INTS9: variants seen among roughly 807,000 people sequenced by gnomAD.
INTS9 encodes the protein integrator complex subunit 9, also known as protein related to CPSF subunits of 74 kDa.
INTS9 carries 55 observed loss-of-function variants against 79.7 expected under a neutral mutation model. That is an observed-to-expected ratio of 0.69 (90% CI 0.56 to 0.86). INTS9 has a LOEUF of 0.86. INTS9 is among the 40% of genes least tolerant of loss of function. The pLI is 0.00. For missense variants in INTS9, 721 were observed against 831.5 expected, an observed-to-expected ratio of 0.87 and a Z score of 1.64; for synonymous variants, 319 against 325.2, an observed-to-expected ratio of 0.98 and a Z score of 0.20.
At chr8:28,782,800 C>T (rs942636351) in intron 11 of INTS9, among the ~76,000 whole-genome samples, 5 of 152,134 alleles carry the variant, frequency 3.3e-5, no homozygotes, top group Non-Finnish European at 7.3e-5. Context: ...CCCAGGAGTT[C>T]AAGGTTGCAG....
At position 28,859,845 on chromosome 8, in the gene INTS9, C is replaced by T. The variant is rs114218565; in HGVS notation, c.10-282G>A. 3.8e-3 allele frequency among the ~76,000 whole-genome samples: 584 copies of T among 152,284 alleles called. 3 individuals are homozygous for T. The highest frequency in any genetic ancestry group is 0.013 in the African/African-American group (553 of 41,552). ...TTATTCAAAATAGAAGGTTTCAAGG[C>T]TATGGTTATTCATTCCGTTCTCACA... On this transcript the variant is annotated intron_variant, in intron 1 of 16. Transcript: ENST00000521022.
At chr8:28,879,726 T>A (rs535885791) in intron 1 of INTS9, among the ~76,000 whole-genome samples, 2 of 152,208 alleles carry the variant, frequency 1.3e-5, no homozygotes, top group East Asian at 3.9e-4. Flanking sequence ...AAAATATTAT[T>A]CAGCAAGAAA....
At chr8:28,819,724 CG>C (rs1209139158) in intron 6 of INTS9, among the ~76,000 whole-genome samples, 1 of 152,064 alleles carries the variant, frequency 6.6e-6, no homozygotes, top group Non-Finnish European at 1.5e-5. Context: ...CTTTCTGTCT[CG>C]TTGATCTGTC....
chr8:28,802,048 G>A (rs750712861), intron 8 of INTS9, among the ~76,000 whole-genome samples: 14 of 152,142 alleles, frequency 9.2e-5, no homozygotes, highest in South Asian at 6.2e-4. Flanking sequence ...GCCAATCACC[G>A]CCTTCCAATC....
At chr8:28,805,053 G>GC (rs1804731317) in intron 8 of INTS9, among the ~76,000 whole-genome samples, 1 of 152,088 alleles carries the variant, frequency 6.6e-6, no homozygotes, top group African/African-American at 2.4e-5. Flanking sequence ...TCAACCAGGA[G>GC]TAAGTAATTT....
At chr8:28,790,357 G>T (rs957176497) in intron 10 of INTS9, among the ~76,000 whole-genome samples, 1 of 152,206 alleles carries the variant, frequency 6.6e-6, no homozygotes, top group African/African-American at 2.4e-5. Flanking sequence ...GAAAAAGGGT[G>T]CCTTACAGCA....
chr8:28,796,906 A>G (rs1804251873), intron 8 of INTS9: 1 of 380,450 alleles, frequency 2.6e-6, no homozygotes, highest in Non-Finnish European at 4.9e-6. Context: ...CACTGATTAT[A>G]TCAAAATTCA....
intron 6 of INTS9, among the ~76,000 whole-genome samples, chr8:28,825,413 A>C (rs1806089770): frequency 6.6e-6 from 1 of 152,224 alleles, no homozygotes; most frequent in South Asian, 2.1e-4. Context: ...TTAAAGGCTG[A>C]CTAGAAAGTC....
At chr8:28,834,496 A>G (rs945907124) in intron 6 of INTS9, among the ~76,000 whole-genome samples, 3 of 152,138 alleles carry the variant, frequency 2.0e-5, no homozygotes, top group Admixed American at 6.6e-5. Flanking sequence ...TGTTCCCTGA[A>G]TATACTATGT....
chr8:28,815,372 T>G (rs1320312417), intron 6 of INTS9, among the ~76,000 whole-genome samples: 6 of 152,002 alleles, frequency 3.9e-5, no homozygotes. Flanking sequence ...ATAAATGAGG[T>G]GACAAAACTC....
At chr8:28,833,602 A>G (rs1806626397) in intron 6 of INTS9, among the ~76,000 whole-genome samples, 5 of 151,688 alleles carry the variant, frequency 3.3e-5, no homozygotes, top group Admixed American at 3.3e-4. Context: ...CCTGGGCGAC[A>G]GAGTTAGACT....
intron 6 of INTS9, among the ~76,000 whole-genome samples, chr8:28,820,220 G>A (rs1416453922): frequency 8.5e-5 from 13 of 152,250 alleles, no homozygotes; most frequent in East Asian, 1.9e-4. Flanking sequence ...TATTTTGCTC[G>A]TTAGTTGATG....
At chr8:28,789,312 C>T (rs1202167792) in intron 10 of INTS9, among the ~76,000 whole-genome samples, 1 of 152,146 alleles carries the variant, frequency 6.6e-6, no homozygotes, top group Non-Finnish European at 1.5e-5. Context: ...AATGCTTAGG[C>T]CAGTTCTGCT....
intron 11 of INTS9, 56 bp downstream of exon 11, chr8:28,787,773 G>T: frequency 7.9e-7 from 1 of 1,258,782 alleles, no homozygotes; most frequent in Non-Finnish European, 1.2e-6. Context: ...GTCTGCATCT[G>T]CATCAGGTTA....
intron 6 of INTS9, among the ~76,000 whole-genome samples, chr8:28,819,395 T>C (rs1477421034): frequency 6.6e-6 from 1 of 152,224 alleles, no homozygotes; most frequent in Non-Finnish European, 1.5e-5. Flanking sequence ...TATTTCTGCC[T>C]TCATTTCATT....
intron 1 of INTS9, among the ~76,000 whole-genome samples, chr8:28,881,698 G>A (rs1206304392): frequency 6.9e-6 from 1 of 145,192 alleles, no homozygotes; most frequent in African/African-American, 2.5e-5. Flanking sequence ...CGTCCGGGAG[G>A]GAGGTGGGGG....
intron 10 of INTS9, among the ~76,000 whole-genome samples, chr8:28,789,380 C>G (rs1585356098): frequency 6.6e-6 from 1 of 152,302 alleles, no homozygotes; most frequent in South Asian, 2.1e-4. Context: ...GACAGGGACC[C>G]ACCCCCTTTC....
At chr8:28,868,942 T>C (rs2010685) in intron 1 of INTS9, among the ~76,000 whole-genome samples, 25,195 of 151,838 alleles carry the variant, frequency 0.17, 2,542 homozygotes, top group East Asian at 0.47. Context: ...CTACTAAAAA[T>C]AGAAAAATTC....
chr8:28,774,065 G>A (rs536903021), intron 14 of INTS9, among the ~76,000 whole-genome samples: 42 of 152,204 alleles, frequency 2.8e-4, no homozygotes, highest in African/African-American at 9.6e-4. Context: ...CACCCGCCTC[G>A]GCCTCCCACA....
Sources: gnomAD v4.1 joint callset for allele counts (sites outside exome capture counted in the v4.1 genomes callset) on GRCh38, gnomAD v4.1.1 for gene constraint, MANE v1.5 for transcripts, NCBI Gene and HGNC (gene_info 2026-07-23, HGNC 2026-07-21) for gene names.